The following EQTN variants were observed in gnomAD, a reference collection of about 807,000 sequenced individuals.
EQTN encodes the protein Acrosome formation associated factor.
Under a neutral mutation model 26.9 loss-of-function variants are expected in EQTN, and 29 were observed. The ratio of observed to expected loss-of-function variants is 1.08; its 90% CI spans 0.80 to 1.47. The LOEUF (loss-of-function observed/expected upper bound fraction) is 1.47. Among genes scored for constraint, EQTN ranks in the 40% most tolerant of loss-of-function variants. EQTN has a pLI of 0.00. For missense variants in EQTN, 391 were observed against 346.1 expected, an observed-to-expected ratio of 1.13 and a Z score of -1.03; for synonymous variants, 129 against 120.0, an observed-to-expected ratio of 1.07 and a Z score of -0.49.
intron 2 of EQTN, among the ~76,000 whole-genome samples, chr9:27,295,963 A>G (rs1358881042): frequency 6.6e-6 from 1 of 152,106 alleles, no homozygotes; most frequent in Non-Finnish European, 1.5e-5. Flanking sequence ...AATAAACAGA[A>G]CTGATATTAT....
At chr9:27,294,202 T>C in intron 3 of EQTN, 114 bp downstream of exon 3, 2 of 620,240 alleles carry the variant, frequency 3.2e-6, no homozygotes, top group East Asian at 2.9e-5. Context: ...AGAGGGAAAA[T>C]GTTAGTCTTA....
chr9:27,292,128 G>T, intron 4 of EQTN: 1 of 200,160 alleles, frequency 5.0e-6, no homozygotes, highest in Non-Finnish European at 1.0e-5. Context: ...TAATTTGTAA[G>T]TACGTATTTA....
chr9:27,294,820 C>T (rs935394672), intron 2 of EQTN, among the ~76,000 whole-genome samples: 2 of 152,194 alleles, frequency 1.3e-5, no homozygotes, highest in African/African-American at 4.8e-5. Context: ...AAAAGCATAT[C>T]ATTTGATAAC....
chr9:27,294,277 A>G (rs1464976078), intron 3 of EQTN, 39 bp downstream of exon 3: 3 of 1,432,274 alleles, frequency 2.1e-6, no homozygotes, highest in African/African-American at 2.8e-5. Flanking sequence ...TCCTGCTTTA[A>G]TGGCTTTTAC....
chr9:27,291,172 G>A, intron 4 of EQTN, 109 bp from the exon 5 acceptor site: 1 of 970,756 alleles, frequency 1.0e-6, no homozygotes, highest in Non-Finnish European at 1.5e-6. Context: ...GTTAAACTTT[G>A]AGCTCCTATA....
chr9:27,295,784 A>G (rs1355440585), intron 2 of EQTN, among the ~76,000 whole-genome samples: 2 of 124,534 alleles, frequency 1.6e-5, no homozygotes, highest in Non-Finnish European at 3.2e-5. Context: ...GCGAGCAGAG[A>G]TTGCGCCACT....
At chr9:27,286,187 C>G (rs920355509) in intron 7 of EQTN, 22 bp downstream of exon 7, 2 of 1,610,824 alleles carry the variant, frequency 1.2e-6, no homozygotes, top group Non-Finnish European at 1.7e-6. Flanking sequence ...GTTGTAAAGA[C>G]TGCAGAGGTC....
chr9:27,285,133 CTTTTTTTTTTTTT>C (rs201723057), intron 7 of EQTN, among the ~76,000 whole-genome samples, 161 bp from the exon 8 acceptor site: 2 of 77,084 alleles, frequency 2.6e-5, no homozygotes, highest in Non-Finnish European at 4.6e-5. Context: ...TTTTCTTTTC[CTTTTTTTTTTTTT>C]TTTTTTTTTT....
rs751953322 is a variant in EQTN, at chr9:27,294,366, G to A, written c.239C>T (p.Ser80Phe). 6.2e-7 allele frequency: 1 copy of A among 1,610,346 alleles called. No individual in the cohort carries two copies. The highest frequency in any genetic ancestry group is 1.7e-5 in the Admixed American group (1 of 59,932). The stretch of plus-strand genomic sequence containing the variant: ...AGTTGTGGCTCTCACAGATATTTCA[G>A]ACTCAGTGCCATTTGGATTTTGTGT... Reference protein sequence around the residue: ...FTTQNPNGTESEISVRATTDL... With the variant: ...FTTQNPNGTEFEISVRATTDL... The change falls in exon 3 of 8, where the codon TCT (serine) becomes TTT (phenylalanine). Residue 80 changes from serine to phenylalanine, a missense_variant. Ser to Phe is a radical substitution (Grantham distance 155). Coordinates refer to ENST00000380032, the MANE Select transcript of EQTN (RefSeq NM_020641.3).
chr9:27,286,738 T>G (rs1476692662), intron 6 of EQTN, among the ~76,000 whole-genome samples: 1 of 152,200 alleles, frequency 6.6e-6, no homozygotes, highest in East Asian at 1.9e-4. Context: ...GAAGAGATTA[T>G]TATTCAAAAC....
chr9:27,295,845 A>AC (rs1250932108), intron 2 of EQTN, among the ~76,000 whole-genome samples: 3 of 151,078 alleles, frequency 2.0e-5, no homozygotes, highest in Non-Finnish European at 4.4e-5. Context: ...AAAAAAAAAA[A>AC]AAAAAAAAAC....
At chr9:27,289,504 G>C (rs1233721178) in intron 6 of EQTN, among the ~76,000 whole-genome samples, 168 bp downstream of exon 6, 1 of 152,108 alleles carries the variant, frequency 6.6e-6, no homozygotes. Flanking sequence ...ACATGCCACC[G>C]TGCCCACCTA....
In EQTN at chr9:27,289,770, C is replaced by A. The variant is rs771675097; in HGVS notation, c.422-39G>T. 10 of 1,546,048 alleles carry A rather than the reference C, an allele frequency of 6.5e-6. No homozygotes were observed. In the South Asian group the frequency reaches 1.1e-4, roughly 16 times the overall value. On this transcript the variant is annotated intron_variant, in intron 5 of 7. Transcript: ENST00000380032. ...TTGGGGTTATGGTAAACAACGTTCA[C>A]TTACTAAAATTATTGCCTGTGTATG...
intron 3 of EQTN, among the ~76,000 whole-genome samples, chr9:27,292,766 G>C (rs1014142926): frequency 6.6e-6 from 1 of 152,198 alleles, no homozygotes; most frequent in African/African-American, 2.4e-5. Context: ...GCTTTCTTCA[G>C]AGGTAAAGAA....
Position 27,284,880 on chromosome 9 carries a change from A to T in EQTN, c.728T>A (p.Phe243Tyr), listed in dbSNP as rs140620957. Residue 243 changes from phenylalanine (F) to tyrosine (Y), a missense_variant, in exon 8 of 8, where the codon TTT (phenylalanine) becomes TAT (tyrosine). Coordinates refer to ENST00000380032, the MANE Select transcript of EQTN (RefSeq NM_020641.3). ...TGTGCTGCTCTCTGCACTCTTGGAAAAGGATGTATCTGAAACACCTTCTGA... is the reference window on the plus strand; with the variant it reads ...TGTGCTGCTCTCTGCACTCTTGGAATAGGATGTATCTGAAACACCTTCTGA... ...HPSEGVSDTSFSKSAESSTFL... is the reference protein window; with the variant it reads ...HPSEGVSDTSYSKSAESSTFL... 2.2e-4 allele frequency: 348 copies of T among 1,614,068 alleles called. 1 individual carries two copies. The highest frequency in any genetic ancestry group is 2.7e-4 in the Non-Finnish European group (322 of 1,180,040).
chr9:27,289,021 A>C (rs542721224), intron 6 of EQTN, among the ~76,000 whole-genome samples: 9 of 152,246 alleles, frequency 5.9e-5, no homozygotes, highest in Admixed American at 2.0e-4. Flanking sequence ...TCAATTAATA[A>C]TGAATCACTA....
intron 6 of EQTN, among the ~76,000 whole-genome samples, chr9:27,287,551 G>C (rs1378423350): frequency 1.3e-5 from 2 of 152,128 alleles, no homozygotes; most frequent in African/African-American, 4.8e-5. Context: ...TTCTCTCTAA[G>C]CCTCAGTTTT....
intron 4 of EQTN, among the ~76,000 whole-genome samples, chr9:27,291,662 G>A (rs978599337): frequency 2.6e-5 from 4 of 152,104 alleles, no homozygotes; most frequent in Admixed American, 2.0e-4. Flanking sequence ...TACTAAAGAC[G>A]TTTAAGAAGG....
chr9:27,294,528 A>ATT (rs3832607), intron 2 of EQTN, 126 bp from the exon 3 acceptor site: 30 of 432,616 alleles, frequency 6.9e-5, no homozygotes, highest in East Asian at 4.7e-4. Flanking sequence ...AGTTATAGTC[A>ATT]TTTTTTTTTC....
Sources: gnomAD v4.1 joint callset for allele counts (sites outside exome capture counted in the v4.1 genomes callset) on GRCh38, gnomAD v4.1.1 for gene constraint, MANE v1.5 for transcripts, NCBI Gene and HGNC (gene_info 2026-07-23, HGNC 2026-07-21) for gene names.